GALM: variants seen among roughly 807,000 people sequenced by gnomAD.
GALM encodes the protein aldose 1-epimerase.
GALM carries 43 observed loss-of-function variants against 37.4 expected under a neutral mutation model. The ratio of observed to expected loss-of-function variants is 1.15; its 90% CI spans 0.90 to 1.48. GALM has a LOEUF of 1.48. GALM is among the 40% of genes most tolerant of loss of function. The pLI is 0.00. For missense variants in GALM, 456 were observed against 419.1 expected (o/e 1.09, Z -0.77); for synonymous variants, 199 against 170.6 (o/e 1.17, Z -1.30).
chr2:38,692,949 T>C (rs984446423), intron 4 of GALM, among the ~76,000 whole-genome samples: 9 of 152,044 alleles, frequency 5.9e-5, no homozygotes, highest in Non-Finnish European at 1.3e-4. Context: ...GGGGCATAAT[T>C]TTAGTGGCAG....
At chr2:38,693,850 A>C (rs985584680) in intron 4 of GALM, among the ~76,000 whole-genome samples, 1 of 152,190 alleles carries the variant, frequency 6.6e-6, no homozygotes. Flanking sequence ...CAGGCTCTTA[A>C]GTAGACCTGC....
intron 3 of GALM, among the ~76,000 whole-genome samples, chr2:38,686,500 G>A (rs1165184468): frequency 8.6e-5 from 13 of 151,732 alleles, no homozygotes. Context: ...TCCTGACCTC[G>A]TGATCCACCC....
In GALM at chr2:38,666,357, T is replaced by A. The variant is rs773533576; in HGVS notation, c.190+6T>A. 1.9e-6 allele frequency: 3 copies of A among 1,607,304 alleles called. No individual in the cohort carries two copies. Among genetic ancestry groups the A allele is most frequent in the Non-Finnish European group, 8.5e-7 (1 of 1,175,874 alleles). On this transcript the variant is annotated splice_donor_region_variant and intron_variant, in intron 1 of 6. Coordinates refer to ENST00000272252, the MANE Select transcript of GALM (RefSeq NM_138801.3). ...TGGCTTCGCCGAGTTGGAAGGTGGG[T>A]TGAACTGTGCCCTGGGCTGCGAGCA...
chr2:38,681,860 G>A (rs761954513), intron 3 of GALM, among the ~76,000 whole-genome samples: 2 of 152,158 alleles, frequency 1.3e-5, no homozygotes, highest in Non-Finnish European at 2.9e-5. Flanking sequence ...TTGGAAATGG[G>A]CATGGTCCAG....
Position 38,666,246 on chromosome 2 carries a change from T to C in GALM, c.85T>C (p.Leu29=). 2 of 1,614,108 alleles carry C rather than the reference T, an allele frequency of 1.2e-6. No homozygotes were observed. The highest frequency in any genetic ancestry group is 8.5e-7 in the Non-Finnish European group (1 of 1,179,954). ...VEKFQLQSDL[L]RVDIISWGCT... ...GAAGTTCCAGCTGCAGTCAGACCTC[T>C]TGAGAGTGGACATCATCTCCTGGGG... Residue 29 remains leucine (L), a synonymous_variant, in exon 1 of 7, where the codon TTG becomes CTG. Transcript: ENST00000272252.
chr2:38,698,901 G>A (rs554117041), intron 4 of GALM, among the ~76,000 whole-genome samples: 10 of 152,078 alleles, frequency 6.6e-5, no homozygotes, highest in Non-Finnish European at 1.5e-4. Context: ...ATGAGCCACT[G>A]TGTCCAGCTG....
intron 4 of GALM, among the ~76,000 whole-genome samples, chr2:38,697,427 TA>T (rs2148440607): frequency 6.6e-6 from 1 of 152,308 alleles, no homozygotes; most frequent in East Asian, 1.9e-4. Context: ...TTGTGGCTAT[TA>T]ATTTATACTT....
chr2:38,696,765 C>T (rs1318470892), intron 4 of GALM, among the ~76,000 whole-genome samples: 1 of 150,138 alleles, frequency 6.7e-6, no homozygotes, highest in Non-Finnish European at 1.5e-5. Flanking sequence ...AGCCACCGCA[C>T]CTACCCCCAA....
intron 4 of GALM, among the ~76,000 whole-genome samples, chr2:38,714,999 C>G (rs1666241011): frequency 6.6e-6 from 1 of 152,006 alleles, no homozygotes; most frequent in African/African-American, 2.4e-5. Context: ...GATTTTTTTC[C>G]TTTAGCTCTA....
intron 1 of GALM, among the ~76,000 whole-genome samples, chr2:38,675,036 G>A (rs1665207933): frequency 6.6e-6 from 1 of 152,120 alleles, no homozygotes; most frequent in African/African-American, 2.4e-5. Context: ...TTAGCTTGGT[G>A]TGGTGGTGCA....
At chr2:38,677,142 C>T (rs1665278692) in intron 2 of GALM, among the ~76,000 whole-genome samples, 1 of 152,236 alleles carries the variant, frequency 6.6e-6, no homozygotes, top group African/African-American at 2.4e-5. Context: ...TTCCTAGCCC[C>T]ATGGGAGTCT....
chr2:38,711,824 TCACCACCATCATCACCATCATCAC>T, intron 4 of GALM, among the ~76,000 whole-genome samples: 1 of 1,444 alleles, frequency 6.9e-4, no homozygotes, highest in Admixed American at 6.1e-3. Flanking sequence ...ATCATCACTA[TCACCACCATCATCACCATCATCAC>T]CACCACCATC....
Position 38,700,506 on chromosome 2 carries a change from G to A in GALM, c.634+10612G>A, listed in dbSNP as rs574165120. Reference sequence around the variant, plus strand: ...AATAACCTTTTTCTTTTTTTTAATCGTTTTTTACTTGACGTCTGTTTCATC... The same window carrying A: ...AATAACCTTTTTCTTTTTTTTAATCATTTTTTACTTGACGTCTGTTTCATC... On this transcript the variant is annotated intron_variant, in intron 4 of 6. Coordinates refer to ENST00000272252, the MANE Select transcript of GALM (RefSeq NM_138801.3). 2.2e-4 allele frequency among the ~76,000 whole-genome samples: 33 copies of A among 150,032 alleles called. 1 individual carries two copies. Among genetic ancestry groups the A allele is most frequent in the Non-Finnish European group, 1.3e-4 (9 of 67,428 alleles).
intron 2 of GALM, chr2:38,679,915 C>G (rs1388800300): frequency 5.2e-6 from 2 of 385,398 alleles, no homozygotes; most frequent in East Asian, 8.2e-5. Flanking sequence ...TTTCCCTTCC[C>G]TATAAGTGTA....
In GALM at chr2:38,717,064, A is replaced by C. The variant is rs187588652; in HGVS notation, c.635-12492A>C. Reference sequence around the variant, plus strand: ...TCAGGAGTTCAAGACCAGCCTGACCAACATGGCAAAACCTCGTCTCTACTA... The same window carrying C: ...TCAGGAGTTCAAGACCAGCCTGACCCACATGGCAAAACCTCGTCTCTACTA... On this transcript the variant is annotated intron_variant, in intron 4 of 6. Transcript: ENST00000272252. Among the ~76,000 whole-genome samples the C allele has an allele frequency of 2.8e-4, 42 of 152,222 alleles. 1 individual carries two copies. The highest frequency in any genetic ancestry group is 5.3e-4 in the Non-Finnish European group (36 of 68,010).
At chr2:38,670,149 C>T (rs1665056182) in intron 1 of GALM, among the ~76,000 whole-genome samples, 1 of 152,090 alleles carries the variant, frequency 6.6e-6, no homozygotes, top group Non-Finnish European at 1.5e-5. Context: ...CAGGTGTGAG[C>T]CACCACGCCC....
At chr2:38,694,071 A>G (rs2148438417) in intron 4 of GALM, among the ~76,000 whole-genome samples, 1 of 152,144 alleles carries the variant, frequency 6.6e-6, no homozygotes, top group Middle Eastern at 3.4e-3. Context: ...GGTCCCAGCT[A>G]TTTGGGAGGC....
chr2:38,682,652 T>G (rs1665424195), intron 3 of GALM, among the ~76,000 whole-genome samples: 1 of 152,120 alleles, frequency 6.6e-6, no homozygotes, highest in South Asian at 2.1e-4. Context: ...ATCCCGGCAC[T>G]TTGGGAGGCC....
At chr2:38,684,151 TTTTG>T (rs1487888927) in intron 3 of GALM, among the ~76,000 whole-genome samples, 8 of 152,286 alleles carry the variant, frequency 5.3e-5, no homozygotes, top group Admixed American at 1.3e-4. Context: ...TCTTATATAT[TTTTG>T]TTTGTTTTTT....
Sources: gnomAD v4.1 joint callset for allele counts (sites outside exome capture counted in the v4.1 genomes callset) on GRCh38, gnomAD v4.1.1 for gene constraint, MANE v1.5 for transcripts, NCBI Gene and HGNC (gene_info 2026-07-23, HGNC 2026-07-21) for gene names.